The following TMIGD3 variants were observed in gnomAD, a reference collection of about 807,000 sequenced individuals.
The protein encoded by TMIGD3 is transmembrane and immunoglobulin domain containing 3.
In TMIGD3, 21 loss-of-function variants were observed where a neutral mutation model predicts 28.1. That is an observed-to-expected ratio of 0.75 (90% CI 0.53 to 1.08). The LOEUF is 1.08. Ranked by LOEUF, TMIGD3 falls within the 50% of genes least tolerant of loss-of-function variation. TMIGD3 has a pLI of 0.00. For missense variants in TMIGD3, 416 were observed against 435.6 expected (o/e 0.96, Z 0.40); for synonymous variants, 151 against 162.1 (o/e 0.93, Z 0.52).
In TMIGD3 at chr1:111,513,261, A is replaced by G. The variant is rs78165644; in HGVS notation, c.108-22499T>C. ...GGATCACTCAGCACTACTCACTGCT[A>G]TAAAGGGGCCACCTCCTGCACAGGG... On this transcript the variant is annotated intron_variant, in intron 1 of 5. Transcript: ENST00000369717. Among the ~76,000 whole-genome samples the G allele has an allele frequency of 2.2e-3, 335 of 152,356 alleles. 1 individual carries two copies. The highest frequency in any genetic ancestry group is 6.8e-3 in the African/African-American group (281 of 41,580).
intron 1 of TMIGD3, among the ~76,000 whole-genome samples, chr1:111,532,742 G>T (rs368347720): frequency 6.6e-6 from 1 of 152,192 alleles, no homozygotes; most frequent in Non-Finnish European, 1.5e-5. Context: ...CACCACTCAG[G>T]GCTGAGTGTT....
intron 1 of TMIGD3, among the ~76,000 whole-genome samples, chr1:111,512,633 G>T (rs990724291): frequency 6.6e-6 from 1 of 152,236 alleles, no homozygotes; most frequent in Non-Finnish European, 1.5e-5. Context: ...TGCTGCAGCT[G>T]GGTGGGGTTG....
intron 1 of TMIGD3, among the ~76,000 whole-genome samples, chr1:111,555,581 T>C (rs976113718): frequency 1.3e-5 from 2 of 151,872 alleles, no homozygotes; most frequent in Non-Finnish European, 2.9e-5. Context: ...CTACAAAATA[T>C]TAAGAAACAT....
intron 1 of TMIGD3, among the ~76,000 whole-genome samples, chr1:111,548,075 CAGTGGCACAAT>C (rs970106290): frequency 6.6e-5 from 10 of 152,236 alleles, no homozygotes; most frequent in African/African-American, 2.2e-4. Context: ...GGCTGGTGTG[CAGTGGCACAAT>C]CTCGGCTCAC....
At position 111,534,810 on chromosome 1, in the gene TMIGD3, A is replaced by T. The variant is rs182971895; in HGVS notation, c.107+29036T>A. The stretch of plus-strand genomic sequence containing the variant: ...GTGCATATGTGTGAGTGTGGACTCA[A>T]TGCTGACTTCCTCCCTTACTCTCCA... On this transcript the variant is annotated intron_variant, in intron 1 of 5. Transcript: ENST00000369717. 3.0e-4 allele frequency among the ~76,000 whole-genome samples: 45 copies of T among 152,244 alleles called. 1 individual carries two copies. Among genetic ancestry groups the T allele is most frequent in the African/African-American group, 1.1e-3 (44 of 41,542 alleles).
chr1:111,488,606 G>C, intron 3 of TMIGD3, 71 bp downstream of exon 3: 1 of 1,408,660 alleles, frequency 7.1e-7, no homozygotes, highest in Non-Finnish European at 9.8e-7. Context: ...TGGCTTCAGA[G>C]AGTGCTCTCT....
At chr1:111,546,995 A>T (rs1464711866) in intron 1 of TMIGD3, among the ~76,000 whole-genome samples, 1 of 152,258 alleles carries the variant, frequency 6.6e-6, no homozygotes, top group Non-Finnish European at 1.5e-5. Flanking sequence ...TGTAAAGTGG[A>T]ACAATGCCCA....
At chr1:111,501,635 C>T (rs1655181121) in intron 1 of TMIGD3, among the ~76,000 whole-genome samples, 2 of 152,142 alleles carry the variant, frequency 1.3e-5, no homozygotes, top group Non-Finnish European at 2.9e-5. Context: ...AAACAAGTAA[C>T]TTCTACAAGT....
intron 1 of TMIGD3, among the ~76,000 whole-genome samples, chr1:111,545,245 T>G (rs76785299): frequency 0.018 from 2,728 of 152,212 alleles, 71 homozygotes; most frequent in African/African-American, 0.062. Flanking sequence ...CCACCGGCAA[T>G]GTATGAGGAT....
intron 1 of TMIGD3, chr1:111,500,343 G>C: frequency 1.2e-6 from 2 of 1,614,220 alleles, no homozygotes; most frequent in South Asian, 1.1e-5. Flanking sequence ...CAACCAGGGG[G>C]ATGAAAATCC....
At chr1:111,505,280 G>A (rs1178799368), upstream of TMIGD3, among the ~76,000 whole-genome samples, 2 of 152,082 alleles carry the variant, frequency 1.3e-5, no homozygotes, top group Non-Finnish European at 2.9e-5. Flanking sequence ...AGAAACCAAG[G>A]AAAGGGGTTT....
At chr1:111,526,392 A>T (rs1254031367) in intron 1 of TMIGD3, among the ~76,000 whole-genome samples, 1 of 152,184 alleles carries the variant, frequency 6.6e-6, no homozygotes, top group Admixed American at 6.5e-5. Context: ...TTCCTCCTTC[A>T]GTTGGCTCTC....
intron 1 of TMIGD3, among the ~76,000 whole-genome samples, chr1:111,499,216 G>A (rs1655035878): frequency 6.6e-6 from 1 of 152,172 alleles, no homozygotes; most frequent in Non-Finnish European, 1.5e-5. Flanking sequence ...CAGGGGAAAT[G>A]AATAGGATTC....
rs141479303 is a variant in TMIGD3 at position 111,538,647 on chromosome 1, A to G, written c.107+25199T>C. Among the ~76,000 whole-genome samples, 324 of 152,330 alleles carry G rather than the reference A, an allele frequency of 2.1e-3. 2 individuals carry two copies. The highest frequency in any genetic ancestry group is 7.6e-3 in the African/African-American group (316 of 41,574). ...TGTCTACAAAACAATCGCAACATCT[A>G]TAGTCATTGAAAGGCATTTGGAGAA... On this transcript the variant is annotated intron_variant, in intron 1 of 5. Transcript: ENST00000369717.
At chr1:111,522,891 C>T (rs1656127576) in intron 1 of TMIGD3, among the ~76,000 whole-genome samples, 1 of 152,092 alleles carries the variant, frequency 6.6e-6, no homozygotes, top group African/African-American at 2.4e-5. Flanking sequence ...GTGTATTGAA[C>T]TTATGTAGGA....
chr1:111,483,506 G>T lies in TMIGD3; in HGVS notation c.*181C>A. Reference sequence around the variant, plus strand: ...TTGAGGGCAGCCTTGCTTGGGTGTGGTCTATCATAGCTCCTCTGACTACCG... The same window carrying T: ...TTGAGGGCAGCCTTGCTTGGGTGTGTTCTATCATAGCTCCTCTGACTACCG... On this transcript the variant is annotated 3_prime_UTR_variant, in exon 6 of 6. Transcript: ENST00000369716. The T allele has an allele frequency of 3.2e-6, 2 of 618,678 alleles. No individual in the cohort carries two copies. Among genetic ancestry groups the T allele is most frequent in the South Asian group, 3.6e-5 (2 of 55,800 alleles). 38.3% of individuals were successfully genotyped at this position (618,678 alleles called of 1,614,324 possible). A position where few individuals can be genotyped will look rare whatever the true frequency, so the allele number is the denominator to read the frequency against.
chr1:111,537,154 G>A (rs1439018503), intron 1 of TMIGD3, among the ~76,000 whole-genome samples: 1 of 152,166 alleles, frequency 6.6e-6, no homozygotes, highest in Non-Finnish European at 1.5e-5. Context: ...TGTATCACCT[G>A]CTCTCTAAAA....
intron 1 of TMIGD3, among the ~76,000 whole-genome samples, chr1:111,520,796 G>A (rs1034361032): frequency 1.3e-5 from 2 of 152,142 alleles, no homozygotes; most frequent in African/African-American, 4.8e-5. Context: ...TTTGTGTGCT[G>A]GTAGGTAGTA....
intron 1 of TMIGD3, among the ~76,000 whole-genome samples, chr1:111,538,636 T>A (rs1656719377): frequency 6.6e-6 from 1 of 152,200 alleles, no homozygotes; most frequent in South Asian, 2.1e-4. Context: ...TACAAAACAA[T>A]CGCAACATCT....
Sources: allele counts gnomAD v4.1 joint callset (sites outside exome capture counted in the v4.1 genomes callset), GRCh38; gene constraint gnomAD v4.1.1; transcripts MANE v1.5; gene names NCBI Gene and HGNC (gene_info 2026-07-23, HGNC 2026-07-21).